Variants in PCSK5 observed in about 807,000 individuals in gnomAD.
PCSK5 encodes prohormone convertase 5.
A neutral mutation model predicts 233.2 loss-of-function variants in PCSK5; 129 were observed. That is an observed-to-expected ratio of 0.55 (90% CI 0.48 to 0.64). The LOEUF (loss-of-function observed/expected upper bound fraction) is 0.64. Among genes scored for constraint, PCSK5 ranks in the 30% least tolerant of loss-of-function variants. The pLI is 0.00. For synonymous variants in PCSK5, 825 were observed against 879.2 expected (o/e 0.94, Z 1.09); for missense variants, 2,076 against 2,430.1 (o/e 0.85, Z 3.06).
intron 19 of PCSK5, 39 bp from the exon 20 acceptor site, chr9:76,189,592 T>C (rs770116112): frequency 3.3e-6 from 4 of 1,203,220 alleles, no homozygotes; most frequent in Non-Finnish European, 5.0e-6. Context: ...CCCCTGTGCA[T>C]GTGTGAATGG....
chr9:76,177,738 TTA>T (rs1823677853), intron 14 of PCSK5, among the ~76,000 whole-genome samples: 1 of 152,212 alleles, frequency 6.6e-6, no homozygotes, highest in African/African-American at 2.4e-5. Flanking sequence ...TTCAGAACAG[TTA>T]TATATCTTTG....
chr9:76,204,936 T>C (rs1564106748), intron 20 of PCSK5, among the ~76,000 whole-genome samples: 1 of 152,160 alleles, frequency 6.6e-6, no homozygotes. Context: ...CTGCAACCTT[T>C]GTGAGTGTGT....
intron 12 of PCSK5, among the ~76,000 whole-genome samples, chr9:76,164,426 A>T (rs1368486822): frequency 6.6e-6 from 1 of 152,210 alleles, no homozygotes; most frequent in African/African-American, 2.4e-5. Flanking sequence ...TACACGTATT[A>T]AGATCACGTA....
intron 10 of PCSK5, among the ~76,000 whole-genome samples, chr9:76,138,852 C>T (rs1227059590): frequency 6.6e-6 from 1 of 151,980 alleles, no homozygotes; most frequent in Non-Finnish European, 1.5e-5. Context: ...GAGAGGTTAC[C>T]ACGCCTTCCA....
chr9:76,036,970 G>C (rs1156606712), intron 5 of PCSK5, among the ~76,000 whole-genome samples: 1 of 152,230 alleles, frequency 6.6e-6, no homozygotes, highest in Non-Finnish European at 1.5e-5. Flanking sequence ...TCAGGTCCCT[G>C]TTTCTCCAGA....
Position 76,359,070 on chromosome 9 carries a change from T to C in PCSK5, c.*148T>C. On this transcript the variant is annotated 3_prime_UTR_variant, in exon 38 of 38. Transcript: ENST00000674117. ...TGAGTCCAACCAGAATATGTAAGAATGATGAAATACTTTGTTCTTCTTTTG... is the reference window on the plus strand; with the variant it reads ...TGAGTCCAACCAGAATATGTAAGAACGATGAAATACTTTGTTCTTCTTTTG... 10 of 625,454 alleles carry C rather than the reference T, an allele frequency of 1.6e-5. No individual in the cohort carries two copies. The allele number at this position is 625,454 out of a possible 1,614,324, so 38.7% of individuals were successfully genotyped here.
At chr9:75,939,104 T>C (rs185995435) in intron 2 of PCSK5, among the ~76,000 whole-genome samples, 169 of 152,262 alleles carry the variant, frequency 1.1e-3, no homozygotes, top group Middle Eastern at 6.8e-3. Flanking sequence ...AGTAGCCACA[T>C]TGTAAGAGCA....
chr9:76,260,063 A>C (rs1385616212), intron 24 of PCSK5, among the ~76,000 whole-genome samples: 1 of 152,222 alleles, frequency 6.6e-6, no homozygotes, highest in Non-Finnish European at 1.5e-5. Flanking sequence ...TCTGCTGCTA[A>C]AGTAAAATTT....
At chr9:76,006,734 A>G (rs1186291832) in intron 3 of PCSK5, among the ~76,000 whole-genome samples, 1 of 152,162 alleles carries the variant, frequency 6.6e-6, no homozygotes, top group Non-Finnish European at 1.5e-5. Context: ...GTTGGACAAA[A>G]CACATCGGCT....
chr9:76,261,421 A>C (rs1827171249), intron 24 of PCSK5, among the ~76,000 whole-genome samples: 1 of 152,222 alleles, frequency 6.6e-6, no homozygotes, highest in Non-Finnish European at 1.5e-5. Context: ...GACTCTGGTA[A>C]AGCTGCAGGA....
intron 2 of PCSK5, among the ~76,000 whole-genome samples, chr9:75,975,581 T>C (rs1825982628): frequency 6.6e-6 from 1 of 152,190 alleles, no homozygotes; most frequent in Admixed American, 6.5e-5. Flanking sequence ...TCACTTGATA[T>C]ACAACTTGAG....
chr9:75,997,428 A>T (rs1036012789), intron 3 of PCSK5, among the ~76,000 whole-genome samples: 3 of 152,328 alleles, frequency 2.0e-5, no homozygotes, highest in Admixed American at 2.0e-4. Flanking sequence ...TAGAATGCAC[A>T]TGCACATCAA....
chr9:76,036,171 A>G (rs2131516738), intron 5 of PCSK5, among the ~76,000 whole-genome samples: 1 of 152,316 alleles, frequency 6.6e-6, no homozygotes, highest in African/African-American at 2.4e-5. Context: ...AAGCTAAAGG[A>G]AAGGTTATAA....
intron 4 of PCSK5, among the ~76,000 whole-genome samples, chr9:76,025,332 AGCT>A (rs1191385481): frequency 3.3e-5 from 5 of 152,044 alleles, no homozygotes; most frequent in African/African-American, 1.2e-4. Flanking sequence ...GGATTGCTTG[AGCT>A]CAGTAGTTTG....
At chr9:76,199,128 G>A (rs941438580) in intron 20 of PCSK5, among the ~76,000 whole-genome samples, 21 of 152,258 alleles carry the variant, frequency 1.4e-4, no homozygotes, top group Admixed American at 9.2e-4. Flanking sequence ...TCTGAGAAAC[G>A]CATCCTTAGG....
chr9:76,273,935 A>C (rs913651650), intron 24 of PCSK5, among the ~76,000 whole-genome samples: 7 of 150,026 alleles, frequency 4.7e-5, no homozygotes, highest in African/African-American at 1.7e-4. Flanking sequence ...AGCATGAGCC[A>C]CTGTGCCCAG....
intron 5 of PCSK5, among the ~76,000 whole-genome samples, chr9:76,043,076 G>A (rs536867151): frequency 1.5e-3 from 227 of 152,274 alleles, no homozygotes; most frequent in African/African-American, 5.3e-3. Flanking sequence ...GCCAGGCGCC[G>A]TCGCTCACGC....
intron 2 of PCSK5, among the ~76,000 whole-genome samples, chr9:75,943,903 A>G (rs931542590): frequency 1.3e-5 from 2 of 152,132 alleles, no homozygotes; most frequent in African/African-American, 4.8e-5. Context: ...GCTCATGCCT[A>G]TAATCCCAGC....
chr9:75,893,529 C>T (rs1210815202), intron 1 of PCSK5, among the ~76,000 whole-genome samples: 3 of 152,132 alleles, frequency 2.0e-5, no homozygotes, highest in Non-Finnish European at 1.5e-5. Context: ...AGGGCAGAAA[C>T]AGCTGTTACC....
Sources: gnomAD v4.1 joint callset for allele counts (sites outside exome capture counted in the v4.1 genomes callset) on GRCh38, gnomAD v4.1.1 for gene constraint, MANE v1.5 for transcripts, NCBI Gene and HGNC (gene_info 2026-07-23, HGNC 2026-07-21) for gene names.